The following MYLK variants were observed in gnomAD, a reference collection of about 807,000 sequenced individuals.
MYLK encodes the protein myosin light chain kinase, also known as myosin light chain kinase, smooth muscle.
A neutral mutation model predicts 203.4 loss-of-function variants in MYLK; 106 were observed. That is an observed-to-expected ratio of 0.52 (90% CI 0.45 to 0.61). MYLK has a LOEUF of 0.61. Among genes scored for constraint, MYLK ranks in the 20% least tolerant of loss-of-function variants. The probability of loss-of-function intolerance (pLI) is 0.00; values close to 1 mark genes in which losing one functional copy is unlikely to be tolerated. For missense variants in MYLK, 2,072 were observed against 2,442.3 expected (o/e 0.85, Z 3.20); for synonymous variants, 867 against 959.5 (o/e 0.90, Z 1.78).
In MYLK at chr3:123,879,180, C is replaced by A. The variant is rs543826379; in HGVS notation, c.-185-2563G>T. Among the ~76,000 whole-genome samples the A allele has an allele frequency of 4.6e-5, 7 of 152,310 alleles. No individual in the cohort carries two copies. The South Asian group carries it at 1.5e-3, about 32-fold the overall frequency. On this transcript the variant is annotated intron_variant, in intron 1 of 33. Coordinates refer to ENST00000360304, the MANE Select transcript of MYLK (RefSeq NM_053025.4). ...CCTCTGGGCTTTCACTCTGGCCACC[C>A]AATTGCCTCTTAATATTTTTGATCG...
intron 3 of MYLK, among the ~76,000 whole-genome samples, chr3:123,814,641 C>T (rs2065680396): frequency 6.6e-6 from 1 of 152,064 alleles, no homozygotes; most frequent in Non-Finnish European, 1.5e-5. Context: ...AGATATGGAA[C>T]ACTCTTCATA....
At chr3:123,800,504 GA>G (rs1209342695) in intron 3 of MYLK, among the ~76,000 whole-genome samples, 5 of 152,126 alleles carry the variant, frequency 3.3e-5, no homozygotes, top group Non-Finnish European at 7.4e-5. Flanking sequence ...GAACTGCACT[GA>G]TGAGGCCCAG....
At chr3:123,860,636 G>A (rs992008392) in intron 2 of MYLK, among the ~76,000 whole-genome samples, 2 of 152,160 alleles carry the variant, frequency 1.3e-5, no homozygotes, top group Non-Finnish European at 2.9e-5. Context: ...TCTTGTGTCT[G>A]AGCCCAAGAT....
intron 31 of MYLK, among the ~76,000 whole-genome samples, chr3:123,625,470 GGAA>G (rs1393736882): frequency 1.6e-5 from 2 of 126,608 alleles, no homozygotes; most frequent in South Asian, 2.5e-4. Flanking sequence ...TTTGTCTCGA[GGAA>G]AAAAAAAAAA....
At chr3:123,805,886 T>C (rs867405366) in intron 3 of MYLK, among the ~76,000 whole-genome samples, 12 of 152,204 alleles carry the variant, frequency 7.9e-5, no homozygotes, top group African/African-American at 2.4e-4. Flanking sequence ...ACTCAATACA[T>C]TGTAACTGTA....
intron 3 of MYLK, among the ~76,000 whole-genome samples, chr3:123,807,222 A>T (rs563700016): frequency 6.6e-6 from 1 of 152,206 alleles, no homozygotes; most frequent in East Asian, 1.9e-4. Context: ...TGAGGTCAGG[A>T]GTTCAAGACC....
intron 8 of MYLK, chr3:123,737,166 C>T: frequency 1.7e-6 from 1 of 574,464 alleles, no homozygotes; most frequent in Non-Finnish European, 3.1e-6. Flanking sequence ...TTGCAGTGAG[C>T]TGAGGTCATG....
chr3:123,766,253 C>G (rs1341146752), intron 4 of MYLK, among the ~76,000 whole-genome samples: 1 of 152,216 alleles, frequency 6.6e-6, no homozygotes, highest in Admixed American at 6.5e-5. Flanking sequence ...CCAATGAGTT[C>G]TCATTGTGCT....
chr3:123,663,957 T>G, intron 23 of MYLK, 148 bp downstream of exon 23: 44 of 1,217,136 alleles, frequency 3.6e-5, no homozygotes, highest in Non-Finnish European at 4.7e-5. Flanking sequence ...TGGGTTGCCG[T>G]GATCTTCTTT....
intron 2 of MYLK, among the ~76,000 whole-genome samples, chr3:123,872,456 T>C (rs2032863446): frequency 6.6e-6 from 1 of 152,150 alleles, no homozygotes; most frequent in African/African-American, 2.4e-5. Context: ...GCTTAAGGGC[T>C]CAGTCCCCAA....
intron 3 of MYLK, among the ~76,000 whole-genome samples, chr3:123,821,664 A>C (rs1408283140): frequency 6.6e-6 from 1 of 152,146 alleles, no homozygotes; most frequent in African/African-American, 2.4e-5. Context: ...CCATTTTGTC[A>C]AAGTGTTCAC....
intron 14 of MYLK, 122 bp from the exon 15 acceptor site, chr3:123,709,017 C>A (rs546004917): frequency 7.5e-6 from 6 of 799,760 alleles, no homozygotes; most frequent in Non-Finnish European, 1.2e-5. Flanking sequence ...GCTTTCACTT[C>A]CCCATCAGTA....
intron 18 of MYLK, among the ~76,000 whole-genome samples, chr3:123,696,161 T>G (rs1051159083): frequency 6.6e-6 from 1 of 152,182 alleles, no homozygotes; most frequent in Non-Finnish European, 1.5e-5. Context: ...GGTGGGGGTC[T>G]GTGGGCTATG....
chr3:123,874,886 T>C (rs1404977083), intron 2 of MYLK, among the ~76,000 whole-genome samples: 4 of 152,144 alleles, frequency 2.6e-5, no homozygotes, highest in Admixed American at 2.0e-4. Flanking sequence ...ACAAAGATGT[T>C]CAACATCAGT....
At chr3:123,786,118 C>A (rs1413638423) in intron 4 of MYLK, among the ~76,000 whole-genome samples, 1 of 152,032 alleles carries the variant, frequency 6.6e-6, no homozygotes, top group African/African-American at 2.4e-5. Context: ...GCCTAGCCAA[C>A]ATGGTGAAAC....
intron 4 of MYLK, among the ~76,000 whole-genome samples, chr3:123,760,496 T>A (rs1359867268): frequency 1.3e-5 from 2 of 152,184 alleles, no homozygotes; most frequent in Non-Finnish European, 2.9e-5. Context: ...TATAATTAAC[T>A]GAGATAGCAC....
intron 16 of MYLK, among the ~76,000 whole-genome samples, chr3:123,703,810 T>C (rs1485159505): frequency 1.3e-5 from 2 of 152,210 alleles, no homozygotes; most frequent in Admixed American, 1.3e-4. Flanking sequence ...CCAAGGGCTG[T>C]GTTTGCCTGG....
chr3:123,836,622 G>T (rs1310729285), intron 2 of MYLK, among the ~76,000 whole-genome samples: 1 of 152,172 alleles, frequency 6.6e-6, no homozygotes, highest in Non-Finnish European at 1.5e-5. Context: ...GGATTTCTTA[G>T]TGAACCTCCT....
intron 23 of MYLK, 111 bp downstream of exon 23, chr3:123,663,994 G>A: frequency 6.8e-7 from 1 of 1,466,832 alleles, no homozygotes; most frequent in Non-Finnish European, 9.5e-7. Context: ...ATCAGGCACA[G>A]GAGTGGTGAG....
Sources: gnomAD v4.1 joint callset for allele counts (sites outside exome capture counted in the v4.1 genomes callset) on GRCh38, gnomAD v4.1.1 for gene constraint, MANE v1.5 for transcripts, NCBI Gene and HGNC (gene_info 2026-07-23, HGNC 2026-07-21) for gene names.